Variants in NBEAL2 observed in about 807,000 individuals in gnomAD.
NBEAL2 encodes the protein neurobeachin-like protein 2.
NBEAL2 carries 160 observed loss-of-function variants against 299.8 expected under a neutral mutation model. The ratio of observed to expected loss-of-function variants is 0.53; its 90% CI spans 0.47 to 0.61. NBEAL2 has a LOEUF of 0.61. NBEAL2 is among the 20% of genes least tolerant of loss of function. The pLI is 0.00. For missense variants in NBEAL2, 3,112 were observed against 3,649.0 expected (o/e 0.85, Z 3.79); for synonymous variants, 1,493 against 1,542.3 (o/e 0.97, Z 0.75).
rs1267156896 is a variant in NBEAL2, at chr3:47,006,337, C to T, written c.7022C>T (p.Pro2341Leu). ...TGACCAGCCACTTACCCACAGGAGCCACATCCAACTCGGCTCTCAGCTGAG... is the reference window on the plus strand; with the variant it reads ...TGACCAGCCACTTACCCACAGGAGCTACATCCAACTCGGCTCTCAGCTGAG... The part of the protein sequence containing the change: ...GQTPCQLLKE[P>L]HPTRLSAEEA... The change falls in exon 45 of 54, where the codon CCA becomes CTA. Residue 2341 changes from proline to leucine, a missense_variant. Around this residue, in one of 3 missense-constraint regions of NBEAL2, gnomAD observed 521 missense variants for 729.6 expected, o/e 0.71. Coordinates refer to ENST00000450053, the MANE Select transcript of NBEAL2 (RefSeq NM_015175.3). The T allele has an allele frequency of 5.0e-6, 8 of 1,599,184 alleles. No individual in the cohort carries two copies. Among genetic ancestry groups the T allele is most frequent in the Non-Finnish European group, 6.8e-6 (8 of 1,173,182 alleles).
At chr3:46,981,894 A>C (rs999690327) in intron 1 of NBEAL2, 6 of 152,260 alleles carry the variant, frequency 3.9e-5, no homozygotes, top group African/African-American at 1.4e-4. Context: ...GTTATGGCTC[A>C]TATCTGTGCT....
intron 15 of NBEAL2, 82 bp from the exon 16 acceptor site, chr3:46,996,189 G>A: frequency 6.3e-7 from 1 of 1,576,234 alleles, no homozygotes; most frequent in South Asian, 1.1e-5. Flanking sequence ...TGCAGCCATG[G>A]GGGTCACTGT....
rs372422378 is a variant in NBEAL2 at position 47,003,959 on chromosome 3, G to A, written c.5864G>A (p.Arg1955His). The change falls in exon 36 of 54, where the codon CGC becomes CAC. Residue 1955 changes from arginine (R) to histidine (H), a missense_variant. Coordinates refer to ENST00000450053, the MANE Select transcript of NBEAL2 (RefSeq NM_015175.3). The surrounding 1 kb of genome is among the most constrained non-coding windows in gnomAD (Gnocchi z 7.0). The part of the protein sequence containing the change: ...NVYFYDGSTE[R>H]VETEEGIGYD... ...TACTTCTACGATGGCAGCACTGAGC[G>A]CGTGGAAACCGAGGAGGGTGCGTCC... 300 of 1,613,270 alleles carry A rather than the reference G, an allele frequency of 1.9e-4. No individual in the cohort carries two copies. Among genetic ancestry groups the A allele is most frequent in the Admixed American group, 2.0e-4 (12 of 59,976 alleles).
Position 47,007,594 on chromosome 3 carries a change from C to T in NBEAL2, c.7404C>T (p.Ala2468=), listed in dbSNP as rs745606772. The change falls in exon 48 of 54, where the codon GCC becomes GCT. Residue 2468 remains alanine, a synonymous_variant. Coordinates refer to ENST00000450053, the MANE Select transcript of NBEAL2 (RefSeq NM_015175.3). ...TGAGTGGACAAGCACTGGCAGTGGC[C>T]CCGGATGGAAAGCTGCTATTCAGCG... ...SGVSGQALAV[A]PDGKLLFSGG... The T allele has an allele frequency of 2.5e-6, 4 of 1,612,094 alleles. No homozygotes were observed. Among genetic ancestry groups the T allele is most frequent in the African/African-American group, 2.7e-5 (2 of 74,902 alleles).
rs1177865134 is a variant in NBEAL2 at position 46,991,399 on chromosome 3, C to T, written c.643-7C>T. The T allele has an allele frequency of 2.5e-6, 4 of 1,599,206 alleles. No homozygotes were observed. The highest frequency in any genetic ancestry group is 1.3e-5 in the African/African-American group (1 of 74,768). ...TGCCCACTGCCCATCTCTGTCCACA[C>T]CTGCAGGAGAACGGGCAGATGGCTG... On this transcript the variant is annotated splice_polypyrimidine_tract_variant and splice_region_variant and intron_variant, in intron 7 of 53. Coordinates refer to ENST00000450053, the MANE Select transcript of NBEAL2 (RefSeq NM_015175.3). This position sits in a 1 kb window ranked among gnomAD's most constrained non-coding sequence, Gnocchi z 6.2.
rs2036891668 is a variant in NBEAL2, at chr3:47,000,436, G to T, written c.4305+32G>T. 1.9e-6 allele frequency: 3 copies of T among 1,544,112 alleles called. No individual in the cohort carries two copies. Among genetic ancestry groups the T allele is most frequent in the Non-Finnish European group, 2.6e-6 (3 of 1,143,946 alleles). ...TGGGCCCACCCTCTGCCACTGCATG[G>T]TACCCAAGGGAGGACACTTCTGGTA... On this transcript the variant is annotated intron_variant, in intron 27 of 53. Transcript: ENST00000450053. The surrounding 1 kb of genome is among the most constrained non-coding windows in gnomAD (Gnocchi z 4.5).
Position 47,005,614 on chromosome 3 carries a change from A to G in NBEAL2, c.6686A>G (p.Gln2229Arg), listed in dbSNP as rs1387296419. The change falls in exon 41 of 54, where the codon CAG becomes CGG. Residue 2229 changes from glutamine to arginine, a missense_variant. Around this residue, in one of 3 missense-constraint regions of NBEAL2, gnomAD observed 521 missense variants for 729.6 expected, o/e 0.71. Coordinates refer to ENST00000450053, the MANE Select transcript of NBEAL2 (RefSeq NM_015175.3). The stretch of plus-strand genomic sequence containing the variant: ...TACTTTCCTGACTTCCTGGAGAACC[A>G]GAACGGTAGGTGTGAGGTGCTCACA... ...FFYFPDFLEN[Q>R]NGFDLGCLQL... is the part of the protein sequence containing the mutation. 1 of 1,613,686 alleles carries G rather than the reference A, an allele frequency of 6.2e-7. No homozygotes were observed. Among genetic ancestry groups the G allele is most frequent in the Non-Finnish European group, 8.5e-7 (1 of 1,179,792 alleles).
Position 47,006,350 on chromosome 3 carries a change from G to A in NBEAL2, c.7035G>A (p.Arg2345=). ...ACCCACAGGAGCCACATCCAACTCG[G>A]CTCTCAGCTGAGGAAGCAGCCCATC... ...CQLLKEPHPT[R]LSAEEAAHRL... Residue 2345 remains arginine, a synonymous_variant, in exon 45 of 54, where the codon CGG becomes CGA. Coordinates refer to ENST00000450053, the MANE Select transcript of NBEAL2 (RefSeq NM_015175.3). 1 of 1,596,886 alleles carries A rather than the reference G, an allele frequency of 6.3e-7. No homozygotes were observed. The highest frequency in any genetic ancestry group is 1.1e-5 in the South Asian group (1 of 88,170).
chr3:47,004,436 A>C lies in NBEAL2; in HGVS notation c.6198+43A>C. Reference sequence around the variant, plus strand: ...GAGGGATGTGAAGTCGGGACCCTGAATCACGGGGCAGTGCTGGACAGCCCA... The same window carrying C: ...GAGGGATGTGAAGTCGGGACCCTGACTCACGGGGCAGTGCTGGACAGCCCA... On this transcript the variant is annotated intron_variant, in intron 37 of 53. Coordinates refer to ENST00000450053, the MANE Select transcript of NBEAL2 (RefSeq NM_015175.3). This position sits in a 1 kb window ranked among gnomAD's most constrained non-coding sequence, Gnocchi z 5.0. 6.3e-7 allele frequency: 1 copy of C among 1,596,470 alleles called. No individual in the cohort carries two copies. Among genetic ancestry groups the C allele is most frequent in the Non-Finnish European group, 8.6e-7 (1 of 1,168,462 alleles).
chr3:46,984,083 G>A (rs961415856), intron 1 of NBEAL2, among the ~76,000 whole-genome samples: 50 of 151,462 alleles, frequency 3.3e-4, no homozygotes, highest in Middle Eastern at 3.4e-3. Flanking sequence ...GGCAGATCAC[G>A]AGGTCAGGAG....
At position 47,007,075 on chromosome 3, in the gene NBEAL2, G is replaced by A. The variant is rs752673539; in HGVS notation, c.7144G>A (p.Asp2382Asn). Residue 2382 changes from aspartate to asparagine, a missense_variant, in exon 46 of 54, where the codon GAT becomes AAT. Asp to Asn is a conservative substitution (Grantham distance 23). Around this residue, in one of 3 missense-constraint regions of NBEAL2, gnomAD observed 521 missense variants for 729.6 expected, o/e 0.71. Coordinates refer to ENST00000450053, the MANE Select transcript of NBEAL2 (RefSeq NM_015175.3). ...GCCCTTGCCCCTGCAGGTTGTCAGT[G>A]ATGGTGTACCCCTGGTGCTAGCCCT... ...LKAFFAEVVS[D>N]GVPLVLALVP... 7 of 1,611,374 alleles carry A rather than the reference G, an allele frequency of 4.3e-6. No individual in the cohort carries two copies. The highest frequency in any genetic ancestry group is 5.9e-6 in the Non-Finnish European group (7 of 1,178,554).
chr3:47,007,141 T>C lies in NBEAL2; in HGVS notation c.7210T>C (p.Ser2404Pro). The change falls in exon 46 of 54, where the codon TCC (serine) becomes CCC (proline). Residue 2404 changes from serine (S) to proline (P), a missense_variant. Physicochemically the swap from Ser to Pro is moderately conservative, Grantham distance 74. Transcript: ENST00000450053. ...GCCCCACTCCTTCATCACCCAGGGT[T>C]CCCCAGACCTGTTGGTAAGTGCATT... Reference protein sequence around the residue: ...RQPHSFITQGSPDLLVTVSAS... With the variant: ...RQPHSFITQGPPDLLVTVSAS... 6.2e-7 allele frequency: 1 copy of C among 1,613,726 alleles called. No homozygotes were observed. Among genetic ancestry groups the C allele is most frequent in the Non-Finnish European group, 8.5e-7 (1 of 1,179,798 alleles).
rs763907614 is a variant in NBEAL2, at chr3:46,988,640, C to G, written c.52-29C>G. 1.9e-6 allele frequency: 3 copies of G among 1,598,730 alleles called. No individual in the cohort carries two copies. The highest frequency in any genetic ancestry group is 2.6e-6 in the Non-Finnish European group (3 of 1,166,236). ...CTGTTTACTGCATCCCTCCTGCCCC[C>G]CACCACTGTTCCCCTGTTCTGCCTA... On this transcript the variant is annotated intron_variant, in intron 1 of 53. Coordinates refer to ENST00000450053, the MANE Select transcript of NBEAL2 (RefSeq NM_015175.3). The surrounding 1 kb of genome is among the most constrained non-coding windows in gnomAD (Gnocchi z 4.4).
intron 25 of NBEAL2, 67 bp from the exon 26 acceptor site, chr3:46,999,563 G>C: frequency 6.3e-7 from 1 of 1,587,054 alleles, no homozygotes; most frequent in South Asian, 1.1e-5. Context: ...TGGCATAGGG[G>C]CCAGGGCTGG....
In NBEAL2 at chr3:46,989,271, C is replaced by T. The variant is rs201618809; in HGVS notation, c.363C>T (p.Cys121=). Residue 121 remains cysteine (C), a synonymous_variant, in exon 5 of 54, where the codon TGC becomes TGT. Transcript: ENST00000450053. The surrounding 1 kb of genome is among the most constrained non-coding windows in gnomAD (Gnocchi z 5.5). The part of the protein sequence containing the change: ...LTKLVAELKG[C]PPPQGRGTQL... ...CCCCACACCTACAGCTGAAAGGATG[C>T]CCACCACCCCAGGGCCGAGGCACGC... is the stretch of plus-strand genomic sequence containing the variant. 2.4e-4 allele frequency: 386 copies of T among 1,611,092 alleles called. No homozygotes were observed. The African/African-American group carries it at 4.0e-3, about 17-fold the overall frequency.
rs753555439 is a variant in NBEAL2 at position 47,005,727 on chromosome 3, C to G, written c.6692-11C>G. ...GGACAGGGAGACAGCTGACCCAGTC[C>G]TCTGTGCCAGGTTTTGACCTGGGCT... On this transcript the variant is annotated splice_polypyrimidine_tract_variant and intron_variant, in intron 41 of 53. Coordinates refer to ENST00000450053, the MANE Select transcript of NBEAL2 (RefSeq NM_015175.3). The G allele has an allele frequency of 3.7e-6, 6 of 1,613,128 alleles. No individual in the cohort carries two copies. Among genetic ancestry groups the G allele is most frequent in the Non-Finnish European group, 5.1e-6 (6 of 1,179,682 alleles).
rs1028821825 is a variant in NBEAL2, at chr3:47,001,838, G to T, written c.4782+12G>T. On this transcript the variant is annotated intron_variant, in intron 30 of 53. Coordinates refer to ENST00000450053, the MANE Select transcript of NBEAL2 (RefSeq NM_015175.3). The surrounding 1 kb of genome is among the most constrained non-coding windows in gnomAD (Gnocchi z 6.1). ...TGGAAGACCCACAGGTGAGCACAGG[G>T]TGAGCATGGGGGCAGGGGGCGTGTG... 1 of 1,613,336 alleles carries T rather than the reference G, an allele frequency of 6.2e-7. No individual in the cohort carries two copies. Among genetic ancestry groups the T allele is most frequent in the Non-Finnish European group, 8.5e-7 (1 of 1,179,626 alleles).
rs374884427 is a variant in NBEAL2 at position 47,000,967 on chromosome 3, A to C, written c.4306-34A>C. ...CTGATTCCCTCCCTTAGCCGCCCAC[A>C]ACCCACGCCCACACCACCCACCTGT... On this transcript the variant is annotated intron_variant, in intron 27 of 53. Transcript: ENST00000450053. The surrounding 1 kb of genome is among the most constrained non-coding windows in gnomAD (Gnocchi z 4.5). 555 of 1,563,448 alleles carry C rather than the reference A, an allele frequency of 3.5e-4. 3 individuals carry two copies. In the African/African-American group the frequency reaches 6.5e-3, roughly 18 times the overall value.
At chr3:46,983,373 G>A (rs975233250) in intron 1 of NBEAL2, among the ~76,000 whole-genome samples, 1 of 146,550 alleles carries the variant, frequency 6.8e-6, no homozygotes, top group African/African-American at 2.5e-5. Flanking sequence ...GCAATGGCAT[G>A]GTCTCAGTTC....
Sources: gnomAD v4.1 joint callset for allele counts (sites outside exome capture counted in the v4.1 genomes callset) on GRCh38, gnomAD v4.1.1 for gene constraint, gnomAD v4.1.1 regional missense constraint, Gnocchi (gnomAD v3.1) non-coding constraint, MANE v1.5 for transcripts, NCBI Gene and HGNC (gene_info 2026-07-23, HGNC 2026-07-21) for gene names.